NRXN3: variants seen among roughly 807,000 people sequenced by gnomAD.
The protein encoded by NRXN3 is neurexin III.
Under a neutral mutation model 137.6 loss-of-function variants are expected in NRXN3, and 32 were observed. That is an observed-to-expected ratio of 0.23 (90% CI 0.18 to 0.31). The LOEUF is 0.31. NRXN3 is among the 10% of genes least tolerant of loss of function. The pLI, the probability that NRXN3 is intolerant of heterozygous loss-of-function variation, is 1.00. For missense variants in NRXN3, 1,574 were observed against 2,062.5 expected (o/e 0.76, Z 4.59); for synonymous variants, 798 against 784.5 (o/e 1.02, Z -0.29).
chr14:79,252,571 G>C (rs567644472), intron 15 of NRXN3, among the ~76,000 whole-genome samples: 32 of 152,202 alleles, frequency 2.1e-4, no homozygotes, highest in South Asian at 1.9e-3. Context: ...ATGTTTGTTG[G>C]GGGGGTGGTG....
intron 1 of NRXN3, among the ~76,000 whole-genome samples, chr14:78,209,046 C>T (rs1216288730): frequency 1.3e-5 from 2 of 152,156 alleles, no homozygotes; most frequent in Non-Finnish European, 2.9e-5. Context: ...ACACAGACCT[C>T]CCAAGCCTTG....
At chr14:78,820,254 A>G (rs1044032530) in intron 10 of NRXN3, among the ~76,000 whole-genome samples, 157 of 149,046 alleles carry the variant, frequency 1.1e-3, no homozygotes, top group Non-Finnish European at 9.9e-4. Flanking sequence ...ATATATATAT[A>G]TAAATTGCAG....
At chr14:78,969,814 A>AGTGT (rs376306137) in intron 14 of NRXN3, among the ~76,000 whole-genome samples, 6,770 of 141,388 alleles carry the variant, frequency 0.048, 308 homozygotes, top group East Asian at 0.26. Flanking sequence ...TGTACTATGT[A>AGTGT]GTGTGTGTGT....
rs1224594523 is a variant in NRXN3, at chr14:78,715,097, G to C, written c.2002G>C (p.Asp668His). Residue 668 changes from aspartate (D) to histidine (H), a missense_variant, in exon 8 of 21, where the codon GAC becomes CAC. Asp to His is a moderately conservative substitution (Grantham distance 81). Around this residue, in one of 5 missense-constraint regions of NRXN3, gnomAD observed 718 missense variants for 887.6 expected, o/e 0.81. Transcript: ENST00000335750. The stretch of plus-strand genomic sequence containing the variant: ...GGACGGCTGGAACCGCTTCATCTGC[G>C]ACTGCACCGGCACCGGATACTGGGG... Reference protein sequence around the residue: ...CKDGWNRFICDCTGTGYWGRT... With the variant: ...CKDGWNRFICHCTGTGYWGRT... The C allele has an allele frequency of 1.2e-6, 2 of 1,612,302 alleles. No homozygotes were observed. The highest frequency in any genetic ancestry group is 2.7e-5 in the African/African-American group (2 of 74,892).
rs1368726449 is a variant in NRXN3 at position 79,864,199 on chromosome 14, T to C, written c.*2235T>C. On this transcript the variant is annotated 3_prime_UTR_variant, in exon 21 of 21. Transcript: ENST00000335750. Reference sequence around the variant, plus strand: ...TTTTTTCAATTTAAGTAATAATACATTTGTTATATTCCTTTCAGTGTAAGT... The same window carrying C: ...TTTTTTCAATTTAAGTAATAATACACTTGTTATATTCCTTTCAGTGTAAGT... The C allele has an allele frequency of 2.0e-5, 3 of 152,632 alleles. No individual in the cohort carries two copies. The highest frequency in any genetic ancestry group is 4.4e-5 in the Non-Finnish European group (3 of 68,020). 9.5% of individuals were successfully genotyped at this position (152,632 alleles called of 1,614,324 possible).
intron 15 of NRXN3, among the ~76,000 whole-genome samples, chr14:79,284,800 A>G (rs1051204510): frequency 6.6e-6 from 1 of 152,004 alleles, no homozygotes; most frequent in Non-Finnish European, 1.5e-5. Flanking sequence ...GCTTTGATCT[A>G]TTGAGTGCCT....
chr14:78,706,620 A>C (rs1421184058), intron 6 of NRXN3, among the ~76,000 whole-genome samples: 1 of 152,170 alleles, frequency 6.6e-6, no homozygotes, highest in Non-Finnish European at 1.5e-5. Flanking sequence ...TCTGTAAAAT[A>C]AGGCAATGAT....
rs567377746 is a variant in NRXN3 at position 78,571,142 on chromosome 14, C to T, written c.758-73978C>T. Reference sequence around the variant, plus strand: ...CTCAGGTTCACTCATCAAATCCCTTCCCATTTCACCCAATCAATAATGCTG... The same window carrying T: ...CTCAGGTTCACTCATCAAATCCCTTTCCATTTCACCCAATCAATAATGCTG... On this transcript the variant is annotated intron_variant, in intron 4 of 20. Transcript: ENST00000335750. Among the ~76,000 whole-genome samples the T allele has an allele frequency of 2.6e-5, 4 of 152,330 alleles. No individual in the cohort carries two copies. The South Asian group carries it at 8.3e-4, about 32-fold the overall frequency.
intron 15 of NRXN3, among the ~76,000 whole-genome samples, chr14:79,386,491 AG>A (rs1218876775): frequency 6.6e-6 from 1 of 152,192 alleles, no homozygotes; most frequent in African/African-American, 2.4e-5. Flanking sequence ...GCTCATGGGT[AG>A]GAAGAATCAA....
Position 78,803,828 on chromosome 14 carries a change from C to T in NRXN3, c.2248+5C>T, listed in dbSNP as rs1373126305. ...TCAAGCTCATGGTTAACTTAGGTAT[C>T]GTATGAAGTACCCTCTGCCACTTCG... On this transcript the variant is annotated splice_donor_5th_base_variant and intron_variant, in intron 9 of 20. Coordinates refer to ENST00000335750, the MANE Select transcript of NRXN3 (RefSeq NM_001330195.2). 3.7e-6 allele frequency: 6 copies of T among 1,611,780 alleles called. No homozygotes were observed. Among genetic ancestry groups the T allele is most frequent in the East Asian group, 4.5e-5 (2 of 44,838 alleles).
chr14:79,843,141 CT>C (rs2099359643), intron 20 of NRXN3, among the ~76,000 whole-genome samples: 1 of 152,148 alleles, frequency 6.6e-6, no homozygotes, highest in South Asian at 2.1e-4. Context: ...CGATTGCTTT[CT>C]ATCTTGGCTA....
chr14:79,049,861 C>CAT (rs1308402100), intron 15 of NRXN3, among the ~76,000 whole-genome samples: 11 of 151,752 alleles, frequency 7.2e-5, no homozygotes, highest in South Asian at 2.1e-4. Flanking sequence ...AAATGTATAT[C>CAT]ATATATATAT....
In NRXN3 at chr14:78,968,211, A is replaced by G; in HGVS notation, c.3007A>G (p.Ser1003Gly). ...YMAGLAQGMY[S>G]NLPKLVASRD... ...GGCTGGTCTGGCCCAAGGCATGTAC[A>G]GCAACCTCCCAAAGCTCGTGGCCTC... The change falls in exon 14 of 21, where the codon AGC becomes GGC. Residue 1003 changes from serine (S) to glycine (G), a missense_variant. Transcript: ENST00000335750. 3.1e-6 allele frequency: 5 copies of G among 1,613,970 alleles called. No homozygotes were observed. The highest frequency in any genetic ancestry group is 4.2e-6 in the Non-Finnish European group (5 of 1,179,934).
chr14:79,154,008 C>T (rs143617483), intron 15 of NRXN3, among the ~76,000 whole-genome samples: 108 of 152,066 alleles, frequency 7.1e-4, no homozygotes, highest in African/African-American at 2.1e-3. Flanking sequence ...GCCCAAAGAG[C>T]GAAGAGCATG....
chr14:78,970,909 A>G (rs1250514816), intron 14 of NRXN3, among the ~76,000 whole-genome samples: 1 of 152,194 alleles, frequency 6.6e-6, no homozygotes, highest in Non-Finnish European at 1.5e-5. Context: ...GGAGATAATT[A>G]CAACGGTTAC....
intron 3 of NRXN3, among the ~76,000 whole-genome samples, chr14:78,281,791 AG>A (rs2074446091): frequency 1.3e-5 from 2 of 152,154 alleles, no homozygotes; most frequent in Admixed American, 6.5e-5. Flanking sequence ...TAACTTGCCC[AG>A]GTCACCTCCT....
intron 2 of NRXN3, among the ~76,000 whole-genome samples, chr14:78,249,483 A>T (rs1880013849): frequency 1.3e-5 from 2 of 152,054 alleles, no homozygotes; most frequent in African/African-American, 2.4e-5. Context: ...CACAGGGCAG[A>T]TGAGGTGGGG....
intron 15 of NRXN3, among the ~76,000 whole-genome samples, chr14:79,057,824 G>A (rs1219452074): frequency 6.6e-6 from 1 of 152,132 alleles, no homozygotes; most frequent in Admixed American, 6.6e-5. Context: ...AGTTTGGCAG[G>A]AAAGGGAAGG....
At chr14:79,427,985 G>A (rs1026074428) in intron 15 of NRXN3, among the ~76,000 whole-genome samples, 4 of 151,834 alleles carry the variant, frequency 2.6e-5, no homozygotes, top group South Asian at 2.1e-4. Flanking sequence ...CGTTCTGCAC[G>A]TGTGTGTGTG....
Sources: allele counts gnomAD v4.1 joint callset (sites outside exome capture counted in the v4.1 genomes callset), GRCh38; gene constraint gnomAD v4.1.1; regional missense constraint gnomAD v4.1.1; transcripts MANE v1.5; gene names NCBI Gene and HGNC (gene_info 2026-07-23, HGNC 2026-07-21).